Variants in KANSL1L observed in about 807,000 individuals in gnomAD.
KANSL1L encodes the protein KAT8 regulatory NSL complex subunit 1 like.
A neutral mutation model predicts 108.6 loss-of-function variants in KANSL1L; 25 were observed. The observed-to-expected ratio is 0.23, with a 90% CI of 0.17 to 0.32. The LOEUF is 0.32. KANSL1L is among the 10% of genes least tolerant of loss of function. KANSL1L has a pLI of 1.00. For missense variants in KANSL1L, 1,137 were observed against 1,125.7 expected (o/e 1.01, Z -0.14); for synonymous variants, 405 against 395.1 (o/e 1.03, Z -0.30).
chr2:210,046,918 T>C (rs904515291), intron 6 of KANSL1L, among the ~76,000 whole-genome samples: 2 of 152,162 alleles, frequency 1.3e-5, no homozygotes, highest in East Asian at 1.9e-4. Flanking sequence ...AGCCACACTT[T>C]AGAGAAGCCA....
intron 3 of KANSL1L, among the ~76,000 whole-genome samples, chr2:210,110,148 C>T (rs2094890199): frequency 6.6e-6 from 1 of 152,164 alleles, no homozygotes; most frequent in African/African-American, 2.4e-5. Flanking sequence ...CTATACCTAC[C>T]TACATACTCC....
At chr2:210,098,999 T>C (rs1042331106) in intron 4 of KANSL1L, among the ~76,000 whole-genome samples, 1 of 152,020 alleles carries the variant, frequency 6.6e-6, no homozygotes, top group African/African-American at 2.4e-5. Flanking sequence ...CTATTTTCAT[T>C]ACACCTGTAA....
intron 2 of KANSL1L, 112 bp from the exon 3 acceptor site, chr2:210,129,284 C>T (rs1361197114): frequency 3.8e-6 from 3 of 792,300 alleles, no homozygotes; most frequent in Non-Finnish European, 5.7e-6. Flanking sequence ...CTTTCTACAA[C>T]ATGTAATTAC....
At chr2:210,161,179 G>A (rs905313772) in intron 1 of KANSL1L, among the ~76,000 whole-genome samples, 1 of 151,848 alleles carries the variant, frequency 6.6e-6, no homozygotes, top group Non-Finnish European at 1.5e-5. Flanking sequence ...GTAGAGATGG[G>A]GTTTCACCAT....
intron 2 of KANSL1L, among the ~76,000 whole-genome samples, chr2:210,133,251 A>G (rs2095143056): frequency 6.6e-6 from 1 of 152,240 alleles, no homozygotes; most frequent in Non-Finnish European, 1.5e-5. Context: ...ATTGCTTATA[A>G]TATCTAATAC....
chr2:210,122,860 T>C (rs2095033754), intron 3 of KANSL1L, among the ~76,000 whole-genome samples: 1 of 151,772 alleles, frequency 6.6e-6, no homozygotes, highest in Non-Finnish European at 1.5e-5. Context: ...AATCTAATAA[T>C]CTGATTGAAA....
At chr2:210,059,988 C>T (rs1559523559) in intron 6 of KANSL1L, among the ~76,000 whole-genome samples, 2 of 152,134 alleles carry the variant, frequency 1.3e-5, no homozygotes, top group African/African-American at 2.4e-5. Context: ...GGTGATCCAC[C>T]CACCTCGGCC....
At chr2:210,050,907 C>G (rs554502273) in intron 6 of KANSL1L, among the ~76,000 whole-genome samples, 7 of 152,090 alleles carry the variant, frequency 4.6e-5, no homozygotes, top group African/African-American at 1.7e-4. Flanking sequence ...CCACACCCAG[C>G]TAATTTTTGT....
rs766732173 is a variant in KANSL1L at position 210,104,247 on chromosome 2, T to C, written c.1285A>G (p.Met429Val). Residue 429 changes from methionine (M) to valine (V), a missense_variant, in exon 4 of 15, where the codon ATG becomes GTG. Physicochemically the swap from Met to Val is conservative, Grantham distance 21 (BLOSUM62 1). Around this residue, in one of 3 missense-constraint regions of KANSL1L, gnomAD observed 556 missense variants for 537.7 expected, o/e 1.03. Transcript: ENST00000281772. The stretch of plus-strand genomic sequence containing the variant: ...GAAGCTGCTTGGTCTGCAAATTGCA[T>C]TTGTTTTTTCAAAATATCTTTTGGA... ...QLPKDILKKQ[M>V]QFADQAASLN... The C allele has an allele frequency of 2.7e-5, 44 of 1,613,804 alleles. 1 individual carries two copies. In the South Asian group the frequency reaches 4.7e-4, roughly 17 times the overall value.
At chr2:210,029,193 G>GCTGTCT in intron 10 of KANSL1L, 1 of 442,596 alleles carries the variant, frequency 2.3e-6, no homozygotes, top group Non-Finnish European at 3.9e-6. Context: ...GTGTATTTAT[G>GCTGTCT]TGTGCAAGCA....
intron 3 of KANSL1L, among the ~76,000 whole-genome samples, chr2:210,118,872 T>C (rs2094984800): frequency 6.6e-6 from 1 of 150,902 alleles, no homozygotes. Context: ...AAGTCCTCTA[T>C]TAAAGAAAAG....
rs781618755 is a variant in KANSL1L at position 210,154,095 on chromosome 2, A to G, written c.488T>C (p.Val163Ala). Residue 163 changes from valine (V) to alanine (A), a missense_variant, in exon 2 of 15, where the codon GTA (valine) becomes GCA (alanine). By Grantham distance (64) the Val-to-Ala change is moderately conservative. This residue lies in a region of KANSL1L where 556 missense variants were observed against 537.7 expected (regional missense o/e 1.03). Transcript: ENST00000281772. ...ACAGTTTTGTAGTTGTACTTTATCTACATTAGTGTCTTTGGTTATATTTGA... is the reference window on the plus strand; with the variant it reads ...ACAGTTTTGTAGTTGTACTTTATCTGCATTAGTGTCTTTGGTTATATTTGA... ...LDSNITKDTN[V>A]DKVQLQNCKW... The G allele has an allele frequency of 1.2e-6, 2 of 1,613,878 alleles. No homozygotes were observed. Among genetic ancestry groups the G allele is most frequent in the South Asian group, 1.1e-5 (1 of 91,056 alleles).
intron 6 of KANSL1L, among the ~76,000 whole-genome samples, chr2:210,058,125 C>A (rs146633956): frequency 0.022 from 3,378 of 152,278 alleles, 49 homozygotes; most frequent in Non-Finnish European, 0.032. Flanking sequence ...TCGCTGAATT[C>A]TTTTTCTCAG....
intron 13 of KANSL1L, among the ~76,000 whole-genome samples, chr2:210,024,619 A>G (rs2093910325): frequency 6.6e-6 from 1 of 152,050 alleles, no homozygotes. Context: ...ATTATGTCTG[A>G]TTTATTTCCC....
intron 5 of KANSL1L, chr2:210,096,459 C>A (rs536744342): frequency 1.0e-6 from 1 of 980,328 alleles, no homozygotes; most frequent in African/African-American, 1.8e-5. Context: ...CAATGCTTTG[C>A]AAATGAATGA....
intron 5 of KANSL1L, among the ~76,000 whole-genome samples, chr2:210,078,377 A>G (rs886605976): frequency 1.3e-5 from 2 of 152,234 alleles, no homozygotes; most frequent in African/African-American, 4.8e-5. Context: ...ACCAGAGGAA[A>G]AAAAGTTCAG....
At chr2:210,029,068 T>A in intron 10 of KANSL1L, 99 bp from the exon 11 acceptor site, 3 of 992,076 alleles carry the variant, frequency 3.0e-6, no homozygotes, top group Non-Finnish European at 4.4e-6. Flanking sequence ...ACACGTTACA[T>A]AATTTTTGTA....
chr2:210,121,168 T>C (rs1261813055), intron 3 of KANSL1L, among the ~76,000 whole-genome samples: 1 of 152,154 alleles, frequency 6.6e-6, no homozygotes, highest in Non-Finnish European at 1.5e-5. Flanking sequence ...GGAATATATA[T>C]CATTCTATTA....
chr2:210,092,578 G>C (rs1219054314), intron 5 of KANSL1L, among the ~76,000 whole-genome samples: 2 of 152,050 alleles, frequency 1.3e-5, no homozygotes, highest in Non-Finnish European at 2.9e-5. Context: ...TCTATAATCA[G>C]GCTACCATTT....
Sources: gnomAD v4.1 joint callset for allele counts (sites outside exome capture counted in the v4.1 genomes callset) on GRCh38, gnomAD v4.1.1 for gene constraint, gnomAD v4.1.1 regional missense constraint, MANE v1.5 for transcripts, NCBI Gene and HGNC (gene_info 2026-07-23, HGNC 2026-07-21) for gene names.